KIF26B: variants seen among roughly 807,000 people sequenced by gnomAD.
The protein encoded by KIF26B is kinesin family member 26B, also known as kinesin-like protein KIF26B.
In KIF26B, 63 loss-of-function variants were observed where a neutral mutation model predicts 151.2. The ratio of observed to expected loss-of-function variants is 0.42; its 90% CI spans 0.34 to 0.51. The LOEUF (loss-of-function observed/expected upper bound fraction) is 0.51. KIF26B is among the 20% of genes least tolerant of loss of function. KIF26B has a pLI of 0.07. For missense variants in KIF26B, 2,813 were observed against 2,913.6 expected (o/e 0.97, Z 0.79); for synonymous variants, 1,357 against 1,262.1 (o/e 1.08, Z -1.59).
At chr1:245,217,319 A>T (rs149371162) in intron 2 of KIF26B, among the ~76,000 whole-genome samples, 1 of 152,214 alleles carries the variant, frequency 6.6e-6, no homozygotes, top group African/African-American at 2.4e-5. Flanking sequence ...TGGACAACAA[A>T]TGACTCTCAC....
At chr1:245,691,422 G>A (rs974985340) in intron 12 of KIF26B, among the ~76,000 whole-genome samples, 2 of 152,228 alleles carry the variant, frequency 1.3e-5, no homozygotes, top group Admixed American at 1.3e-4. Flanking sequence ...GTCAAGAGCA[G>A]AAGACCTTTG....
intron 2 of KIF26B, chr1:245,234,528 G>A (rs1558355899): frequency 6.6e-6 from 1 of 152,538 alleles, no homozygotes; most frequent in East Asian, 1.9e-4. Flanking sequence ...CTACAGGACT[G>A]GGCGGGAGAA....
chr1:245,503,928 G>C (rs1303659183), intron 4 of KIF26B, among the ~76,000 whole-genome samples: 1 of 152,198 alleles, frequency 6.6e-6, no homozygotes, highest in African/African-American at 2.4e-5. Context: ...TGATCCAAAG[G>C]CTGTCTGTAG....
In KIF26B at chr1:245,646,113, T is replaced by C. The variant is rs752160595; in HGVS notation, c.2099-8T>C. On this transcript the variant is annotated splice_polypyrimidine_tract_variant and splice_region_variant and intron_variant, in intron 9 of 14. Transcript: ENST00000407071. ...ACCATTTCTCTTTTATCTTCTCCCC[T>C]GTGGTAGTGTCTGGAGGTCGCAGCC... 1.9e-6 allele frequency: 3 copies of C among 1,613,636 alleles called. No homozygotes were observed. The highest frequency in any genetic ancestry group is 2.5e-6 in the Non-Finnish European group (3 of 1,179,670).
chr1:245,185,377 A>AGGT (rs1254577995), intron 2 of KIF26B, among the ~76,000 whole-genome samples: 4 of 152,038 alleles, frequency 2.6e-5, no homozygotes, highest in Admixed American at 1.3e-4. Flanking sequence ...GACCTCAGGT[A>AGGT]ATCAGGTGGC....
chr1:245,632,470 T>C (rs980624672), intron 9 of KIF26B, among the ~76,000 whole-genome samples: 11 of 152,276 alleles, frequency 7.2e-5, no homozygotes, highest in African/African-American at 2.2e-4. Context: ...TTCCATGTAC[T>C]GATAATAAGG....
At position 245,602,990 on chromosome 1, in the gene KIF26B, T is replaced by C. The variant is rs1367779638; in HGVS notation, c.1557+207T>C. Among the ~76,000 whole-genome samples the C allele has an allele frequency of 6.6e-6, 1 of 151,954 alleles. No homozygotes were observed. The highest frequency in any genetic ancestry group is 1.5e-5 in the Non-Finnish European group (1 of 67,996). ...TGGGCAGGATCAGTGTGCACAGATTTCAATAAAATCTGTCCTTGGGGAGAA... is the reference window on the plus strand; with the variant it reads ...TGGGCAGGATCAGTGTGCACAGATTCCAATAAAATCTGTCCTTGGGGAGAA... On this transcript the variant is annotated intron_variant, in intron 6 of 14. Transcript: ENST00000407071. The surrounding 1 kb of genome is among the most constrained non-coding windows in gnomAD (Gnocchi z 4.5).
At chr1:245,699,197 T>C (rs2044735968) in intron 14 of KIF26B, among the ~76,000 whole-genome samples, 160 bp downstream of exon 14, 1 of 151,692 alleles carries the variant, frequency 6.6e-6, no homozygotes, top group African/African-American at 2.4e-5. Context: ...GCAGCCCTAC[T>C]CCCCTGGGGA....
At chr1:245,220,573 T>C (rs1669747229) in intron 2 of KIF26B, among the ~76,000 whole-genome samples, 1 of 152,168 alleles carries the variant, frequency 6.6e-6, no homozygotes, top group Non-Finnish European at 1.5e-5. Context: ...GAGTAAGGCA[T>C]GTGACTGTAC....
At chr1:245,189,609 G>A (rs1669060112) in intron 2 of KIF26B, among the ~76,000 whole-genome samples, 1 of 152,114 alleles carries the variant, frequency 6.6e-6, no homozygotes, top group Admixed American at 6.6e-5. Flanking sequence ...CTTTCTCAAG[G>A]GGCTCCTAAA....
chr1:245,180,063 C>T (rs976608924), intron 2 of KIF26B, among the ~76,000 whole-genome samples: 2 of 152,228 alleles, frequency 1.3e-5, no homozygotes, highest in African/African-American at 4.8e-5. Context: ...CTGGCAGCAG[C>T]AAGGGAATTT....
intron 4 of KIF26B, among the ~76,000 whole-genome samples, chr1:245,462,127 A>T (rs945841374): frequency 2.0e-5 from 3 of 152,198 alleles, no homozygotes; most frequent in African/African-American, 7.2e-5. Flanking sequence ...TGTCTCAGAA[A>T]AAGAAAAAAA....
At chr1:245,607,533 C>T (rs2043468819) in intron 6 of KIF26B, 118 bp from the exon 7 acceptor site, 2 of 770,418 alleles carry the variant, frequency 2.6e-6, no homozygotes, top group Non-Finnish European at 4.2e-6. Flanking sequence ...GCCAACCCAC[C>T]TGGGAACACA....
At chr1:245,190,768 A>T (rs150666235) in intron 2 of KIF26B, among the ~76,000 whole-genome samples, 13 of 151,780 alleles carry the variant, frequency 8.6e-5, no homozygotes, top group African/African-American at 2.9e-4. Flanking sequence ...CCTATAAGAG[A>T]TAAGAACCAG....
chr1:245,360,908 G>T (rs1010806022), intron 2 of KIF26B, among the ~76,000 whole-genome samples: 7 of 152,114 alleles, frequency 4.6e-5, no homozygotes, highest in Non-Finnish European at 1.0e-4. Flanking sequence ...CATCCACTTG[G>T]GAGGCTGAGG....
intron 2 of KIF26B, among the ~76,000 whole-genome samples, chr1:245,303,348 G>T (rs554914594): frequency 2.6e-5 from 4 of 151,154 alleles, no homozygotes; most frequent in East Asian, 2.0e-4. Flanking sequence ...ACAGGTGCCC[G>T]CCACCACGCC....
intron 9 of KIF26B, among the ~76,000 whole-genome samples, chr1:245,613,409 C>G (rs2043549165): frequency 6.6e-6 from 1 of 152,102 alleles, no homozygotes; most frequent in African/African-American, 2.4e-5. Context: ...TTGAGACCAG[C>G]CTGGCCAACA....
At chr1:245,517,953 A>C (rs1661008750) in intron 4 of KIF26B, among the ~76,000 whole-genome samples, 1 of 150,360 alleles carries the variant, frequency 6.7e-6, no homozygotes, top group African/African-American at 2.5e-5. Flanking sequence ...GCTCACTGCA[A>C]CCTCCACCTC....
intron 4 of KIF26B, among the ~76,000 whole-genome samples, chr1:245,487,316 G>C (rs1475521029): frequency 1.3e-5 from 2 of 152,284 alleles, no homozygotes; most frequent in Non-Finnish European, 2.9e-5. Flanking sequence ...TATATCATTT[G>C]CAGGGCTCAG....
Sources: allele counts gnomAD v4.1 joint callset (sites outside exome capture counted in the v4.1 genomes callset), GRCh38; gene constraint gnomAD v4.1.1; non-coding constraint Gnocchi (gnomAD v3.1); transcripts MANE v1.5; gene names NCBI Gene and HGNC (gene_info 2026-07-23, HGNC 2026-07-21).